ZBBX: variants seen among roughly 807,000 people sequenced by gnomAD.
The protein encoded by ZBBX is zinc finger B-box domain containing.
ZBBX carries 101 observed loss-of-function variants against 108.5 expected under a neutral mutation model. The observed-to-expected ratio is 0.93, with a 90% CI of 0.79 to 1.10. The LOEUF (loss-of-function observed/expected upper bound fraction) is 1.10, where lower values mean the gene tolerates loss of function less well. ZBBX is among the 50% of genes least tolerant of loss of function. The probability of loss-of-function intolerance (pLI) is 0.00; values close to 1 mark genes in which losing one functional copy is unlikely to be tolerated. For missense variants in ZBBX, 1,009 were observed against 941.4 expected (o/e 1.07, Z -0.94); for synonymous variants, 356 against 323.4 (o/e 1.10, Z -1.08).
At chr3:167,407,700 A>G (rs1425656478) in intron 1 of ZBBX, among the ~76,000 whole-genome samples, 2 of 152,154 alleles carry the variant, frequency 1.3e-5, no homozygotes, top group Non-Finnish European at 2.9e-5. Context: ...GTAGGTAATT[A>G]TAAGGGTCTT....
At chr3:167,292,486 T>C (rs756814517) in intron 18 of ZBBX, among the ~76,000 whole-genome samples, 2 of 152,182 alleles carry the variant, frequency 1.3e-5, no homozygotes, top group South Asian at 2.1e-4. Context: ...GTAATGAAGA[T>C]GTTCTTTGAA....
At chr3:167,349,582 C>A (rs538551089) in intron 9 of ZBBX, among the ~76,000 whole-genome samples, 2 of 151,882 alleles carry the variant, frequency 1.3e-5, no homozygotes, top group Non-Finnish European at 1.5e-5. Context: ...TTCAGGTAAA[C>A]GCAAAGATTG....
chr3:167,247,879 G>A (rs1310735656), intron 20 of ZBBX, among the ~76,000 whole-genome samples: 2 of 152,144 alleles, frequency 1.3e-5, no homozygotes, highest in African/African-American at 2.4e-5. Flanking sequence ...TTTTCTGCGG[G>A]TAAGAAGCTC....
At chr3:167,271,399 A>G (rs1001012034) in intron 20 of ZBBX, among the ~76,000 whole-genome samples, 7 of 152,296 alleles carry the variant, frequency 4.6e-5, no homozygotes, top group African/African-American at 1.4e-4. Context: ...CATCTGGAAC[A>G]CCTGTCTTTC....
intron 20 of ZBBX, among the ~76,000 whole-genome samples, chr3:167,270,936 G>C (rs1726409835): frequency 1.3e-5 from 2 of 152,188 alleles, no homozygotes; most frequent in Admixed American, 6.5e-5. Context: ...CCAGACCTAG[G>C]GGATACCACC....
chr3:167,394,381 C>T (rs1748167012), intron 1 of ZBBX, among the ~76,000 whole-genome samples: 1 of 151,870 alleles, frequency 6.6e-6, no homozygotes, highest in Admixed American at 6.6e-5. Context: ...TATTTTCTTT[C>T]TGATTGTATC....
intron 6 of ZBBX, among the ~76,000 whole-genome samples, chr3:167,363,518 A>AC (rs1199839561): frequency 2.6e-5 from 4 of 151,896 alleles, no homozygotes; most frequent in African/African-American, 9.7e-5. Context: ...ACACACACAC[A>AC]AAAAATATGT....
At chr3:167,328,583 C>T (rs570949449) in intron 10 of ZBBX, among the ~76,000 whole-genome samples, 1 of 151,992 alleles carries the variant, frequency 6.6e-6, no homozygotes, top group Non-Finnish European at 1.5e-5. Flanking sequence ...GGACCTACAC[C>T]GCCCTACACA....
chr3:167,248,091 G>C (rs917104287), intron 20 of ZBBX, among the ~76,000 whole-genome samples: 68 of 152,264 alleles, frequency 4.5e-4, no homozygotes, highest in African/African-American at 1.5e-3. Context: ...TTTCCTAGAG[G>C]TGCCATGTAT....
chr3:167,180,391 C>A, the ZBBX span, among the ~76,000 whole-genome samples: 1 of 152,176 alleles, frequency 6.6e-6, no homozygotes, highest in Non-Finnish European at 1.5e-5. Flanking sequence ...TTGATCCCTA[C>A]GAATGGTTAC....
the ZBBX span, among the ~76,000 whole-genome samples, chr3:167,201,135 A>C: frequency 6.6e-6 from 1 of 152,100 alleles, no homozygotes; most frequent in Non-Finnish European, 1.5e-5. Context: ...AAGATAGTTA[A>C]TGATTTGAAA....
chr3:167,331,847 A>G (rs373069333), intron 10 of ZBBX, among the ~76,000 whole-genome samples: 26 of 152,310 alleles, frequency 1.7e-4, no homozygotes, highest in East Asian at 1.5e-3. Flanking sequence ...CCAATATTAC[A>G]ATGCTATAAG....
intron 20 of ZBBX, among the ~76,000 whole-genome samples, chr3:167,270,574 G>A (rs936038483): frequency 6.6e-5 from 10 of 152,168 alleles, no homozygotes; most frequent in Admixed American, 1.3e-4. Flanking sequence ...AGTGGCTGCC[G>A]GCAGCCTGTA....
In ZBBX at chr3:167,280,029, A is replaced by G. The variant is rs866292763; in HGVS notation, c.2254+2209T>C. The stretch of plus-strand genomic sequence containing the variant: ...TCCCTATTTAATAAATGGTGCTGGG[A>G]AAACTGGCTAGCCATATGTAGAAAG... On this transcript the variant is annotated intron_variant, in intron 20 of 21. Transcript: ENST00000675490. Among the ~76,000 whole-genome samples, 1,109 of 152,168 alleles carry G rather than the reference A, an allele frequency of 7.3e-3. 11 individuals are homozygous for G. Among genetic ancestry groups the G allele is most frequent in the African/African-American group, 0.024 (999 of 41,524 alleles).
chr3:167,342,847 A>G (rs1269801882), intron 9 of ZBBX, among the ~76,000 whole-genome samples: 2 of 151,366 alleles, frequency 1.3e-5, no homozygotes, highest in Non-Finnish European at 3.0e-5. Flanking sequence ...GAGGTGATGG[A>G]TGGATGTATT....
chr3:167,241,718 A>C (rs1720714145), intron 21 of ZBBX, among the ~76,000 whole-genome samples: 1 of 152,180 alleles, frequency 6.6e-6, no homozygotes, highest in South Asian at 2.1e-4. Flanking sequence ...TGTCTTAAAA[A>C]ATTTTTTTAC....
chr3:167,237,759 T>A, downstream of ZBBX, among the ~76,000 whole-genome samples: 1 of 151,948 alleles, frequency 6.6e-6, no homozygotes, highest in East Asian at 1.9e-4. Context: ...ATATTGGAAG[T>A]CAAATGACAA....
chr3:167,277,210 C>T (rs977109944), intron 20 of ZBBX, among the ~76,000 whole-genome samples: 1 of 151,400 alleles, frequency 6.6e-6, no homozygotes, highest in Admixed American at 6.6e-5. Context: ...AACCAGCCAA[C>T]ATCATAATGA....
chr3:167,190,934 G>A, the ZBBX span, among the ~76,000 whole-genome samples: 1 of 152,176 alleles, frequency 6.6e-6, no homozygotes, highest in Admixed American at 6.5e-5. Flanking sequence ...TCTTCACTAA[G>A]GCATGGCTCA....
Sources: gnomAD v4.1 joint callset for allele counts (sites outside exome capture counted in the v4.1 genomes callset) on GRCh38, gnomAD v4.1.1 for gene constraint, MANE v1.5 for transcripts, NCBI Gene and HGNC (gene_info 2026-07-23, HGNC 2026-07-21) for gene names.